DGKB: variants seen among roughly 807,000 people sequenced by gnomAD.
The protein encoded by DGKB is diacylglycerol kinase beta, also known as 90 kDa diacylglycerol kinase.
A neutral mutation model predicts 114.3 loss-of-function variants in DGKB; 67 were observed. The observed-to-expected ratio is 0.59, with a 90% CI of 0.48 to 0.72. The LOEUF (loss-of-function observed/expected upper bound fraction) is 0.72. DGKB is among the 30% of genes least tolerant of loss of function. DGKB has a pLI of 0.00. For missense variants in DGKB, 907 were observed against 975.2 expected, an observed-to-expected ratio of 0.93 and a Z score of 0.93; for synonymous variants, 398 against 323.1, an observed-to-expected ratio of 1.23 and a Z score of -2.49.
chr7:14,749,192 T>C (rs1243565762), intron 4 of DGKB, among the ~76,000 whole-genome samples: 1 of 152,192 alleles, frequency 6.6e-6, no homozygotes, highest in Non-Finnish European at 1.5e-5. Context: ...TAGAAAAATT[T>C]ATATTTTAAA....
At chr7:14,647,795 C>T (rs891396507) in intron 13 of DGKB, among the ~76,000 whole-genome samples, 41 of 152,282 alleles carry the variant, frequency 2.7e-4, no homozygotes, top group Admixed American at 2.0e-3. Context: ...GCGCACCATG[C>T]GCGAGCCGAA....
chr7:14,747,086 C>G (rs959347920), intron 4 of DGKB, among the ~76,000 whole-genome samples: 35 of 151,896 alleles, frequency 2.3e-4, no homozygotes, highest in African/African-American at 8.2e-4. Context: ...ACAATGTAAG[C>G]TTGTTTCTCA....
chr7:14,405,254 T>A (rs1445709153), intron 21 of DGKB, among the ~76,000 whole-genome samples: 5 of 151,862 alleles, frequency 3.3e-5, no homozygotes, highest in African/African-American at 4.8e-5. Context: ...TCATGATTTT[T>A]TAAAAAAATA....
At position 14,554,742 on chromosome 7, in the gene DGKB, G is replaced by T. The variant is rs62443524; in HGVS notation, c.1770+19470C>A. Among the ~76,000 whole-genome samples the T allele has an allele frequency of 3.5e-3, 528 of 152,022 alleles. 2 individuals carry two copies. The highest frequency in any genetic ancestry group is 0.012 in the African/African-American group (498 of 41,474). On this transcript the variant is annotated intron_variant, in intron 20 of 25. Transcript: ENST00000402815. ...TTTGTAATTTTGAACAATTTGAAAG[G>T]CAAAATATGGTAACCTATTGCATAA...
intron 21 of DGKB, among the ~76,000 whole-genome samples, chr7:14,446,623 G>A (rs1830758206): frequency 6.6e-6 from 1 of 152,062 alleles, no homozygotes; most frequent in Non-Finnish European, 1.5e-5. Flanking sequence ...TATAAGCCAT[G>A]TTTTCTGAGC....
chr7:14,310,585 C>T (rs1288001600), intron 23 of DGKB, among the ~76,000 whole-genome samples: 6 of 152,172 alleles, frequency 3.9e-5, no homozygotes, highest in African/African-American at 1.2e-4. Flanking sequence ...GCCAGGCACC[C>T]TTCTTCTTCC....
intron 21 of DGKB, among the ~76,000 whole-genome samples, chr7:14,425,227 C>T (rs1265046869): frequency 6.6e-6 from 1 of 151,916 alleles, no homozygotes; most frequent in Non-Finnish European, 1.5e-5. Flanking sequence ...GAATTAAAAT[C>T]CCTCTAAAAT....
chr7:14,422,817 G>A (rs941348898), intron 21 of DGKB, among the ~76,000 whole-genome samples: 1 of 151,882 alleles, frequency 6.6e-6, no homozygotes, highest in Non-Finnish European at 1.5e-5. Flanking sequence ...GTAGTAATAA[G>A]AAATAACAAC....
chr7:14,784,367 CTT>C (rs1216046590), intron 2 of DGKB, among the ~76,000 whole-genome samples: 57 of 129,180 alleles, frequency 4.4e-4, no homozygotes, highest in African/African-American at 1.4e-3. Context: ...AAATTATATG[CTT>C]TTTTTTTTTT....
At chr7:14,582,535 T>C (rs895396967) in intron 18 of DGKB, among the ~76,000 whole-genome samples, 2 of 152,146 alleles carry the variant, frequency 1.3e-5, no homozygotes, top group African/African-American at 2.4e-5. Flanking sequence ...GTTCCCTATC[T>C]CTACATGGGA....
chr7:14,410,431 A>G (rs984477591), intron 21 of DGKB, among the ~76,000 whole-genome samples: 3 of 152,006 alleles, frequency 2.0e-5, no homozygotes, highest in Admixed American at 6.6e-5. Context: ...AGACATTTTT[A>G]TTCAGCAAGA....
At chr7:14,728,448 C>A (rs182034258) in intron 5 of DGKB, among the ~76,000 whole-genome samples, 2 of 152,286 alleles carry the variant, frequency 1.3e-5, no homozygotes, top group Admixed American at 1.3e-4. Context: ...GGAGTCCAGG[C>A]CAGATCCAGA....
intron 1 of DGKB, among the ~76,000 whole-genome samples, chr7:14,861,327 A>ATT (rs36058960): frequency 0.23 from 34,961 of 151,898 alleles, 4,330 homozygotes; most frequent in African/African-American, 0.3. Flanking sequence ...GTATTAAAAT[A>ATT]TGACTTTCAA....
chr7:14,180,793 C>A (rs1471794453), intron 23 of DGKB, among the ~76,000 whole-genome samples: 2 of 152,106 alleles, frequency 1.3e-5, no homozygotes, highest in Admixed American at 6.6e-5. Context: ...TCTATCTATG[C>A]AATTTTGAAT....
At chr7:14,973,519 GTTTT>G (rs201473471) in intron 1 of DGKB, among the ~76,000 whole-genome samples, 1 of 126,250 alleles carries the variant, frequency 7.9e-6, no homozygotes, top group Non-Finnish European at 1.7e-5. Flanking sequence ...TTTGTTTTTT[GTTTT>G]TTTGTTTTTT....
At chr7:14,320,138 C>A (rs1255521693) in intron 23 of DGKB, among the ~76,000 whole-genome samples, 1 of 152,118 alleles carries the variant, frequency 6.6e-6, no homozygotes, top group Non-Finnish European at 1.5e-5. Flanking sequence ...TCCTAAGAGT[C>A]ATAGGTGGGA....
intron 15 of DGKB, among the ~76,000 whole-genome samples, chr7:14,615,314 C>T (rs1392310552): frequency 2.0e-5 from 3 of 151,810 alleles, no homozygotes; most frequent in Non-Finnish European, 4.4e-5. Context: ...TGAGATTATA[C>T]AAAAATTCAT....
chr7:14,920,598 A>T (rs538346477), intron 1 of DGKB, among the ~76,000 whole-genome samples: 14 of 152,352 alleles, frequency 9.2e-5, no homozygotes, highest in African/African-American at 3.4e-4. Context: ...AGTTTCTTAC[A>T]AAGTTAAACA....
At chr7:14,575,121 T>C (rs1035617033) in intron 19 of DGKB, among the ~76,000 whole-genome samples, 2 of 152,172 alleles carry the variant, frequency 1.3e-5, no homozygotes, top group East Asian at 1.9e-4. Flanking sequence ...TAATATTCCC[T>C]GTTTAAAACA....
Sources: allele counts gnomAD v4.1 joint callset (sites outside exome capture counted in the v4.1 genomes callset), GRCh38; gene constraint gnomAD v4.1.1; transcripts MANE v1.5; gene names NCBI Gene and HGNC (gene_info 2026-07-23, HGNC 2026-07-21).